The following DDX19B variants were observed in gnomAD, a reference collection of about 807,000 sequenced individuals.
DDX19B encodes the protein DEAD-box helicase 19B, also known as ATP-dependent RNA helicase DDX19B.
DDX19B carries 27 observed loss-of-function variants against 58.1 expected under a neutral mutation model. The ratio of observed to expected loss-of-function variants is 0.46; its 90% CI spans 0.34 to 0.64. DDX19B has a LOEUF of 0.64. Among genes scored for constraint, DDX19B ranks in the 30% least tolerant of loss-of-function variants. The pLI, the probability that DDX19B is intolerant of heterozygous loss-of-function variation, is 0.01. For missense variants in DDX19B, 399 were observed against 596.5 expected, an observed-to-expected ratio of 0.67 and a Z score of 3.45; for synonymous variants, 187 against 214.4, an observed-to-expected ratio of 0.87 and a Z score of 1.12.
Position 70,317,562 on chromosome 16 carries a change from C to A in DDX19B, c.363C>A (p.Asn121Lys). ...ATCGTCCATCCAAGATACAAGAGAA[C>A]GCATTGCCACTGATGCTTGCTGAGC... ...GFNRPSKIQENALPLMLAEPP... is the reference protein window; with the variant it reads ...GFNRPSKIQEKALPLMLAEPP... Residue 121 changes from asparagine (N) to lysine (K), a missense_variant, in exon 5 of 12, where the codon AAC (asparagine) becomes AAA (lysine). Coordinates refer to ENST00000288071, the MANE Select transcript of DDX19B (RefSeq NM_007242.7). The A allele has an allele frequency of 6.2e-7, 1 of 1,612,786 alleles. No individual in the cohort carries two copies. Among genetic ancestry groups the A allele is most frequent in the South Asian group, 1.1e-5 (1 of 90,946 alleles).
At chr16:70,309,319 C>T (rs1961951979) in intron 1 of DDX19B, among the ~76,000 whole-genome samples, 1 of 151,052 alleles carries the variant, frequency 6.6e-6, no homozygotes, top group Admixed American at 6.6e-5. Flanking sequence ...CACGGTGAAA[C>T]CCCGTCTCTA....
At chr16:70,309,068 G>A (rs1188062328) in intron 1 of DDX19B, among the ~76,000 whole-genome samples, 2 of 150,894 alleles carry the variant, frequency 1.3e-5, no homozygotes, top group African/African-American at 4.9e-5. Flanking sequence ...TTTTTCAGTC[G>A]GCTTTCTCCA....
At chr16:70,310,078 T>C (rs1365402000) in intron 1 of DDX19B, among the ~76,000 whole-genome samples, 1 of 151,146 alleles carries the variant, frequency 6.6e-6, no homozygotes, top group Non-Finnish European at 1.5e-5. Context: ...ATCCCAACTC[T>C]ACAATAAAAG....
Position 70,315,833 on chromosome 16 carries a change from G to C in DDX19B, c.161-136G>C, listed in dbSNP as rs1179055594. The stretch of plus-strand genomic sequence containing the variant: ...TTAATAAAACTATTTTAATTTATAA[G>C]TCAAAACTATGACGTACCTTGAATT... On this transcript the variant is annotated intron_variant, in intron 3 of 11. Coordinates refer to ENST00000288071, the MANE Select transcript of DDX19B (RefSeq NM_007242.7). 2.5e-6 allele frequency: 3 copies of C among 1,224,314 alleles called. No homozygotes were observed. The African/African-American group carries it at 4.6e-5, about 19-fold the overall frequency. 75.8% of individuals were successfully genotyped at this position (1,224,314 alleles called of 1,614,324 possible).
At chr16:70,318,783 CA>C (rs1481230148) in intron 5 of DDX19B, among the ~76,000 whole-genome samples, 3 of 117,126 alleles carry the variant, frequency 2.6e-5, no homozygotes, top group Non-Finnish European at 3.6e-5. Flanking sequence ...GCAACAAAAG[CA>C]AAACTCCATC....
chr16:70,317,041 C>T (rs1271750565), intron 4 of DDX19B, among the ~76,000 whole-genome samples: 1 of 151,818 alleles, frequency 6.6e-6, no homozygotes, highest in African/African-American at 2.4e-5. Context: ...CCCATCTCTA[C>T]TAAAAATACA....
upstream of DDX19B, among the ~76,000 whole-genome samples, chr16:70,298,146 G>A (rs1216185096): frequency 6.6e-6 from 1 of 152,088 alleles, no homozygotes; most frequent in Non-Finnish European, 1.5e-5. Context: ...AGTGGCTCAC[G>A]CCTGTAATCC....
intron 7 of DDX19B, 136 bp from the exon 8 acceptor site, chr16:70,329,156 G>C: frequency 5.0e-6 from 6 of 1,190,898 alleles, no homozygotes; most frequent in South Asian, 4.6e-5. Flanking sequence ...CTGGGCGGCA[G>C]AGGTTGCAGT....
In DDX19B at chr16:70,333,772, T is replaced by G. The variant is rs1025019601; in HGVS notation, c.*190T>G. 2.5e-6 allele frequency: 2 copies of G among 784,878 alleles called. No homozygotes were observed. The highest frequency in any genetic ancestry group is 4.2e-6 in the Non-Finnish European group (2 of 480,904). 48.6% of individuals were successfully genotyped at this position (784,878 alleles called of 1,614,324 possible). A position where few individuals can be genotyped will look rare whatever the true frequency, so the allele number is the denominator to read the frequency against. ...AATGATGGGGGATGGTAGAAAAAAA[T>G]TATTTACACAACCTTGGAAGATTAG... On this transcript the variant is annotated 3_prime_UTR_variant, in exon 12 of 12. Transcript: ENST00000288071.
chr16:70,327,436 G>C (rs1261370231), intron 7 of DDX19B, among the ~76,000 whole-genome samples: 2 of 152,086 alleles, frequency 1.3e-5, no homozygotes, highest in Non-Finnish European at 2.9e-5. Flanking sequence ...AGGAGGCTGA[G>C]GCAGGAGAAT....
At chr16:70,311,857 T>C (rs1488563880) in intron 1 of DDX19B, among the ~76,000 whole-genome samples, 2 of 152,048 alleles carry the variant, frequency 1.3e-5, no homozygotes, top group African/African-American at 4.8e-5. Flanking sequence ...CTTTTTTTTT[T>C]TGTGAGACGG....
intron 7 of DDX19B, among the ~76,000 whole-genome samples, chr16:70,327,110 A>T (rs553561772): frequency 1.3e-5 from 2 of 151,848 alleles, no homozygotes; most frequent in Non-Finnish European, 2.9e-5. Context: ...CTGGGATTAC[A>T]GGCGTGAGCC....
intron 7 of DDX19B, among the ~76,000 whole-genome samples, 154 bp from the exon 8 acceptor site, chr16:70,329,138 G>A (rs1218760884): frequency 2.0e-5 from 3 of 149,424 alleles, no homozygotes; most frequent in South Asian, 2.1e-4. Context: ...CAGGAGAATC[G>A]CTTGAACCTG....
At chr16:70,312,451 A>C (rs1962141707) in intron 1 of DDX19B, among the ~76,000 whole-genome samples, 158 bp from the exon 2 acceptor site, 1 of 152,198 alleles carries the variant, frequency 6.6e-6, no homozygotes. Context: ...TTCTCATCAG[A>C]CATTTAGTAA....
intron 7 of DDX19B, 120 bp from the exon 8 acceptor site, chr16:70,329,172 G>T: frequency 1.5e-6 from 2 of 1,350,492 alleles, no homozygotes; most frequent in Non-Finnish European, 1.0e-6. Flanking sequence ...GCAGTGAGTC[G>T]AGATCATGCC....
At chr16:70,304,877 C>A (rs1961677791) in intron 1 of DDX19B, among the ~76,000 whole-genome samples, 2 of 151,042 alleles carry the variant, frequency 1.3e-5, no homozygotes, top group South Asian at 4.2e-4. Context: ...TCTTCCTTTA[C>A]TGTTCCTTTT....
At chr16:70,296,400 T>G (rs1330422711), upstream of DDX19B, among the ~76,000 whole-genome samples, 1 of 151,272 alleles carries the variant, frequency 6.6e-6, no homozygotes, top group Non-Finnish European at 1.5e-5. Context: ...GCTTCAGGAG[T>G]AGCTGGGACT....
rs751901098 is a variant in DDX19B, at chr16:70,316,055, G to C, written c.247G>C (p.Asp83His). The C allele has an allele frequency of 3.7e-6, 6 of 1,613,964 alleles. No homozygotes were observed. Among genetic ancestry groups the C allele is most frequent in the Non-Finnish European group, 5.1e-6 (6 of 1,180,038 alleles). ...AAACCAAGTGGAAGTCCTGCAGCGG[G>C]ATCCAAACTCCCCTCTGTACTCGGT... ...NTNQVEVLQR[D>H]PNSPLYSVKS... The change falls in exon 4 of 12, where the codon GAT (aspartate) becomes CAT (histidine). Residue 83 changes from aspartate (D) to histidine (H), a missense_variant. Physicochemically the swap from Asp to His is moderately conservative, Grantham distance 81. This residue lies in a region of DDX19B where 132 missense variants were observed against 159.4 expected (regional missense o/e 0.83). Transcript: ENST00000288071.
At chr16:70,312,694 T>G in intron 2 of DDX19B, 37 bp downstream of exon 2, 2 of 1,569,518 alleles carry the variant, frequency 1.3e-6, no homozygotes, top group Non-Finnish European at 1.7e-6. Context: ...ACAAATGTGA[T>G]TTCCTTCAGT....
Sources: gnomAD v4.1 joint callset for allele counts (sites outside exome capture counted in the v4.1 genomes callset) on GRCh38, gnomAD v4.1.1 for gene constraint, gnomAD v4.1.1 regional missense constraint, MANE v1.5 for transcripts, NCBI Gene and HGNC (gene_info 2026-07-23, HGNC 2026-07-21) for gene names.